Variants in ORC1 observed in about 807,000 individuals in gnomAD.
ORC1 encodes the protein origin recognition complex subunit 1, also known as origin recognition complex, subunit 1 homolog.
In ORC1, 61 loss-of-function variants were observed where a neutral mutation model predicts 98.9. The observed-to-expected ratio is 0.62, with a 90% CI of 0.50 to 0.76. ORC1 has a LOEUF of 0.76. Among genes scored for constraint, ORC1 ranks in the 30% least tolerant of loss-of-function variants. The pLI is 0.00. For synonymous variants in ORC1, 385 were observed against 406.9 expected, an observed-to-expected ratio of 0.95 and a Z score of 0.65; for missense variants, 979 against 1,072.2, an observed-to-expected ratio of 0.91 and a Z score of 1.21.
At chr1:52,374,520 T>C (rs1342074877) in intron 16 of ORC1, among the ~76,000 whole-genome samples, 3 of 152,272 alleles carry the variant, frequency 2.0e-5, no homozygotes, top group African/African-American at 4.8e-5. Flanking sequence ...TCTGAAAGCC[T>C]TGACTCCACT....
chr1:52,383,631 T>G, intron 12 of ORC1, 62 bp from the exon 13 acceptor site: 1 of 1,570,654 alleles, frequency 6.4e-7, no homozygotes, highest in South Asian at 1.1e-5. Flanking sequence ...TGCTTCAAAA[T>G]GAAGACCTAT....
At chr1:52,404,020 C>A (rs1647865171) in intron 1 of ORC1, among the ~76,000 whole-genome samples, 1 of 152,206 alleles carries the variant, frequency 6.6e-6, no homozygotes, top group Non-Finnish European at 1.5e-5. Flanking sequence ...TCCGCCTTCC[C>A]CCCTGCAAAC....
intron 3 of ORC1, among the ~76,000 whole-genome samples, chr1:52,398,850 G>A (rs1569955609): frequency 6.6e-6 from 1 of 152,320 alleles, no homozygotes; most frequent in South Asian, 2.1e-4. Flanking sequence ...CTACCAAAGT[G>A]CTGGGATTAC....
chr1:52,384,811 G>C, intron 10 of ORC1, 90 bp from the exon 11 acceptor site: 1 of 1,162,022 alleles, frequency 8.6e-7, no homozygotes, highest in Non-Finnish European at 1.2e-6. Flanking sequence ...TATACTGAGG[G>C]AAGGACCGAG....
chr1:52,397,662 C>T (rs528742861), intron 4 of ORC1, 23 bp downstream of exon 4: 2 of 1,612,874 alleles, frequency 1.2e-6, no homozygotes, highest in African/African-American at 1.3e-5. Flanking sequence ...CAAGGTAGAA[C>T]CAAGGATGGT....
chr1:52,382,302 C>G (rs985709960), intron 13 of ORC1, among the ~76,000 whole-genome samples: 5 of 151,760 alleles, frequency 3.3e-5, no homozygotes, highest in Non-Finnish European at 5.9e-5. Flanking sequence ...TAGGCATGAG[C>G]CACCACGCCC....
chr1:52,376,612 T>C (rs1646998582), intron 14 of ORC1, among the ~76,000 whole-genome samples: 1 of 152,158 alleles, frequency 6.6e-6, no homozygotes, highest in Non-Finnish European at 1.5e-5. Flanking sequence ...CCTGTAGCCC[T>C]TCCTGCTTCG....
In ORC1 at chr1:52,388,554, T is replaced by A. The variant is rs752888915; in HGVS notation, c.1271A>T (p.Glu424Val). 1 of 1,614,146 alleles carries A rather than the reference T, an allele frequency of 6.2e-7. No homozygotes were observed. Among genetic ancestry groups the A allele is most frequent in the Non-Finnish European group, 8.5e-7 (1 of 1,180,018 alleles). ...AEISDSSSDE[E>V]EASTPPLPRR... ...TGGAAGGGGCGGTGTGGAAGCCTCT[T>A]CTTCGTCACTGCTAGAGTCTGAAAT... is the stretch of plus-strand genomic sequence containing the variant. Residue 424 changes from glutamate (E) to valine (V), a missense_variant, in exon 8 of 17, where the codon GAA becomes GTA. Transcript: ENST00000371568.
chr1:52,392,419 C>T (rs1208640887), intron 6 of ORC1, among the ~76,000 whole-genome samples: 3 of 151,920 alleles, frequency 2.0e-5, no homozygotes, highest in Admixed American at 1.3e-4. Flanking sequence ...TGAGCCACCG[C>T]GCCCAGCCAG....
At chr1:52,378,620 T>A (rs1227331390) in intron 14 of ORC1, among the ~76,000 whole-genome samples, 2 of 151,718 alleles carry the variant, frequency 1.3e-5, no homozygotes, top group Non-Finnish European at 2.9e-5. Context: ...GCCAAGATTG[T>A]GCTGCTGCAC....
Position 52,383,445 on chromosome 1 carries a change from A to G in ORC1, c.1988T>C (p.Met663Thr), listed in dbSNP as rs755233699. The part of the protein sequence containing the change: ...ANTMDLPERI[M>T]MNRVSSRLGL... Reference sequence around the variant, plus strand: ...CAGTCGGCTGGACACCCGGTTCATCATGATTCGCTCTGGCAGGTCCATTGT... The same window carrying G: ...CAGTCGGCTGGACACCCGGTTCATCGTGATTCGCTCTGGCAGGTCCATTGT... The change falls in exon 13 of 17, where the codon ATG becomes ACG. Residue 663 changes from methionine (M) to threonine (T), a missense_variant. By Grantham distance (81) the Met-to-Thr change is moderately conservative (BLOSUM62 -1). Transcript: ENST00000371568. 8.1e-6 allele frequency: 13 copies of G among 1,612,840 alleles called. No homozygotes were observed. The South Asian group carries it at 1.4e-4, about 18-fold the overall frequency.
At chr1:52,404,984 G>A (rs550540579), upstream of ORC1, 36 of 1,365,484 alleles carry the variant, frequency 2.6e-5, no homozygotes, top group East Asian at 5.1e-4. Context: ...GTACTGGAAC[G>A]GAGTATGTCG....
At chr1:52,392,619 T>C (rs956282709) in intron 6 of ORC1, among the ~76,000 whole-genome samples, 2 of 152,202 alleles carry the variant, frequency 1.3e-5, no homozygotes, top group Admixed American at 6.5e-5. Context: ...CGCATGTTTA[T>C]AGCAGTACAA....
chr1:52,403,113 G>C (rs189164861), intron 1 of ORC1, among the ~76,000 whole-genome samples: 1 of 152,258 alleles, frequency 6.6e-6, no homozygotes, highest in East Asian at 1.9e-4. Context: ...AATAAATCAG[G>C]CTTCCCAGCC....
intron 5 of ORC1, 44 bp downstream of exon 5, chr1:52,396,002 C>G: frequency 6.2e-7 from 1 of 1,613,710 alleles, no homozygotes; most frequent in Non-Finnish European, 8.5e-7. Flanking sequence ...TCACATAACC[C>G]TTTAGCCCCA....
upstream of ORC1, chr1:52,405,756 C>T: frequency 6.2e-7 from 1 of 1,614,028 alleles, no homozygotes; most frequent in African/African-American, 1.3e-5. Flanking sequence ...AACCAACACC[C>T]TTTCTGTGTT....
At chr1:52,408,731 C>T, upstream of ORC1, 2 of 1,606,694 alleles carry the variant, frequency 1.2e-6, no homozygotes, top group South Asian at 1.1e-5. Flanking sequence ...ATTTTTAAGC[C>T]AGTTTTTATT....
At position 52,402,220 on chromosome 1, in the gene ORC1, C is replaced by T. The variant is rs1264010214; in HGVS notation, c.4G>A (p.Ala2Thr). 1 of 1,613,602 alleles carries T rather than the reference C, an allele frequency of 6.2e-7. No individual in the cohort carries two copies. Among genetic ancestry groups the T allele is most frequent in the Admixed American group, 1.7e-5 (1 of 59,984 alleles). M[A>T]HYPTRLKTRK... ...GTCTTCAGCCTTGTGGGGTAGTGTG[C>T]CATGGCTTCTGTGGAAGAGTCCAAA... is the stretch of plus-strand genomic sequence containing the variant. Residue 2 changes from alanine (A) to threonine (T), a missense_variant, in exon 2 of 17, where the codon GCA (alanine) becomes ACA (threonine). By Grantham distance (58) the Ala-to-Thr change is moderately conservative. Coordinates refer to ENST00000371568, the MANE Select transcript of ORC1 (RefSeq NM_004153.4).
intron 6 of ORC1, among the ~76,000 whole-genome samples, chr1:52,390,448 A>G (rs1647193606): frequency 6.6e-6 from 1 of 152,242 alleles, no homozygotes. Flanking sequence ...AAAGTGGGAA[A>G]AGGACACCCT....
Sources: allele counts gnomAD v4.1 joint callset (sites outside exome capture counted in the v4.1 genomes callset), GRCh38; gene constraint gnomAD v4.1.1; transcripts MANE v1.5; gene names NCBI Gene and HGNC (gene_info 2026-07-23, HGNC 2026-07-21).